ANGPT1: variants seen among roughly 807,000 people sequenced by gnomAD.
ANGPT1 encodes angiopoietin 1.
A neutral mutation model predicts 62.2 loss-of-function variants in ANGPT1; 17 were observed. The observed-to-expected ratio is 0.27, with a 90% CI of 0.19 to 0.41. The LOEUF is 0.41. Among genes scored for constraint, ANGPT1 ranks in the 10% least tolerant of loss-of-function variants. The pLI is 1.00. For missense variants in ANGPT1, 478 were observed against 594.9 expected, an observed-to-expected ratio of 0.80 and a Z score of 2.04; for synonymous variants, 199 against 198.9, an observed-to-expected ratio of 1.00 and a Z score of 0.00.
At chr8:107,299,968 A>AT (rs1814538214) in intron 5 of ANGPT1, among the ~76,000 whole-genome samples, 2 of 134,988 alleles carry the variant, frequency 1.5e-5, no homozygotes, top group Admixed American at 7.5e-5. Flanking sequence ...TATACTATAT[A>AT]CTAGTTATAT....
At chr8:107,435,454 C>A (rs1186879309) in intron 1 of ANGPT1, among the ~76,000 whole-genome samples, 1 of 152,152 alleles carries the variant, frequency 6.6e-6, no homozygotes, top group Non-Finnish European at 1.5e-5. Flanking sequence ...ATAGTAAATG[C>A]AGATTCTAAT....
intron 1 of ANGPT1, among the ~76,000 whole-genome samples, chr8:107,430,107 G>T (rs1017091763): frequency 6.6e-6 from 1 of 152,024 alleles, no homozygotes; most frequent in Non-Finnish European, 1.5e-5. Context: ...TTGTGTGTGT[G>T]TTTTTTATTA....
intron 6 of ANGPT1, among the ~76,000 whole-genome samples, chr8:107,291,634 A>G (rs898773157): frequency 2.6e-5 from 4 of 151,916 alleles, no homozygotes; most frequent in Admixed American, 6.6e-5. Context: ...GATGGTCTCG[A>G]TCTCCTGACC....
At chr8:107,420,859 A>C (rs1232392900) in intron 1 of ANGPT1, among the ~76,000 whole-genome samples, 1 of 152,096 alleles carries the variant, frequency 6.6e-6, no homozygotes, top group Non-Finnish European at 1.5e-5. Flanking sequence ...AAACATATAG[A>C]TATATATGAA....
intron 1 of ANGPT1, among the ~76,000 whole-genome samples, chr8:107,463,356 G>T (rs1812119760): frequency 2.0e-5 from 3 of 152,094 alleles, no homozygotes; most frequent in Admixed American, 1.3e-4. Context: ...AAGGACCCAC[G>T]TAAGTTGTGC....
chr8:107,435,864 A>G (rs1811319320), intron 1 of ANGPT1, among the ~76,000 whole-genome samples: 1 of 152,162 alleles, frequency 6.6e-6, no homozygotes, highest in Non-Finnish European at 1.5e-5. Flanking sequence ...CACCTTCAAA[A>G]TAACCCTATG....
At chr8:107,305,540 G>C (rs1013827719) in intron 4 of ANGPT1, among the ~76,000 whole-genome samples, 2 of 151,670 alleles carry the variant, frequency 1.3e-5, no homozygotes, top group African/African-American at 4.8e-5. Context: ...GAAAAAGTTG[G>C]GTATTAACTT....
chr8:107,273,885 T>C (rs1235078695), intron 7 of ANGPT1, among the ~76,000 whole-genome samples: 15 of 151,360 alleles, frequency 9.9e-5, no homozygotes, highest in Non-Finnish European at 1.5e-5. Context: ...AAATTTTGTG[T>C]TTCTTCATCA....
intron 3 of ANGPT1, among the ~76,000 whole-genome samples, chr8:107,331,931 A>C (rs1254684124): frequency 6.6e-6 from 1 of 152,132 alleles, no homozygotes; most frequent in Non-Finnish European, 1.5e-5. Flanking sequence ...GGTGAGACAG[A>C]AGGGCTCCTT....
intron 1 of ANGPT1, among the ~76,000 whole-genome samples, chr8:107,446,798 G>T (rs910477790): frequency 2.6e-5 from 4 of 152,110 alleles, no homozygotes; most frequent in African/African-American, 9.7e-5. Context: ...TATGCTTGAG[G>T]CTCTCAAATT....
intron 1 of ANGPT1, among the ~76,000 whole-genome samples, chr8:107,392,840 GTAAA>G (rs1383787477): frequency 6.6e-6 from 1 of 152,058 alleles, no homozygotes; most frequent in African/African-American, 2.4e-5. Flanking sequence ...TGTTCACTTG[GTAAA>G]TAATCTTTTT....
chr8:107,350,088 T>C (rs1185111109), intron 1 of ANGPT1, among the ~76,000 whole-genome samples: 1 of 152,098 alleles, frequency 6.6e-6, no homozygotes, highest in African/African-American at 2.4e-5. Context: ...TCACTTGATG[T>C]ATATATATAC....
Position 107,284,675 on chromosome 8 carries a change from G to T in ANGPT1, c.1205+7C>A. The T allele has an allele frequency of 1.3e-6, 2 of 1,565,498 alleles. No individual in the cohort carries two copies. The highest frequency in any genetic ancestry group is 1.2e-5 in the South Asian group (1 of 81,594). The stretch of plus-strand genomic sequence containing the variant: ...GTAGTCGAACACTACACTGTAGCAT[G>T]ACTTACCTATAGTTTTGCTTTTCAT... On this transcript the variant is annotated splice_region_variant and intron_variant, in intron 7 of 8. Transcript: ENST00000517746.
In ANGPT1 at chr8:107,251,909, C is replaced by A; in HGVS notation, c.1443G>T (p.Gly481=). 1.2e-6 allele frequency: 2 copies of A among 1,613,936 alleles called. No homozygotes were observed. Among genetic ancestry groups the A allele is most frequent in the Non-Finnish European group, 1.7e-6 (2 of 1,179,898 alleles). ...TTGTGGAACGTAAGGAGTAACTGGGCCCTTTGAAGTAGTGCCACTTTATCC... is the reference window on the plus strand; with the variant it reads ...TTGTGGAACGTAAGGAGTAACTGGGACCTTTGAAGTAGTGCCACTTTATCC... ...LNGIKWHYFK[G]PSYSLRSTTM... Residue 481 remains glycine (G), a synonymous_variant, in exon 9 of 9, where the codon GGG becomes GGT. Coordinates refer to ENST00000517746, the MANE Select transcript of ANGPT1 (RefSeq NM_001146.5).
chr8:107,332,245 T>C (rs1815439995), intron 3 of ANGPT1, among the ~76,000 whole-genome samples: 1 of 152,192 alleles, frequency 6.6e-6, no homozygotes, highest in African/African-American at 2.4e-5. Flanking sequence ...ATGTTTCCCA[T>C]TTACTTAGGT....
intron 1 of ANGPT1, among the ~76,000 whole-genome samples, chr8:107,435,096 G>A (rs1183153115): frequency 1.3e-5 from 2 of 152,096 alleles, no homozygotes; most frequent in African/African-American, 2.4e-5. Context: ...CATAGTAGTT[G>A]GAGCTGGGAA....
At chr8:107,327,239 C>T (rs566222473) in intron 3 of ANGPT1, among the ~76,000 whole-genome samples, 1 of 152,134 alleles carries the variant, frequency 6.6e-6, no homozygotes, top group African/African-American at 2.4e-5. Flanking sequence ...ATATACTGCT[C>T]ATATTTCATT....
At chr8:107,409,960 T>TCCATCCATCCATCCATCCATCCAA in intron 1 of ANGPT1, among the ~76,000 whole-genome samples, 1 of 151,876 alleles carries the variant, frequency 6.6e-6, no homozygotes, top group African/African-American at 2.4e-5. Flanking sequence ...CATCCATCCA[T>TCCATCCATCCATCCATCCATCCAA]CCATCCATCC....
At chr8:107,472,586 A>G (rs1005698600) in intron 1 of ANGPT1, among the ~76,000 whole-genome samples, 3 of 152,094 alleles carry the variant, frequency 2.0e-5, no homozygotes, top group African/African-American at 7.2e-5. Flanking sequence ...AACATATTCT[A>G]TATACCAAGC....
Sources: allele counts gnomAD v4.1 joint callset (sites outside exome capture counted in the v4.1 genomes callset), GRCh38; gene constraint gnomAD v4.1.1; transcripts MANE v1.5; gene names NCBI Gene and HGNC (gene_info 2026-07-23, HGNC 2026-07-21).